The following LHFPL6 variants were observed in gnomAD, a reference collection of about 807,000 sequenced individuals.
LHFPL6 encodes the protein LHFPL tetraspan subfamily member 6 protein.
A neutral mutation model predicts 20.6 loss-of-function variants in LHFPL6; 9 were observed. The ratio of observed to expected loss-of-function variants is 0.44; its 90% confidence interval spans 0.26 to 0.76. The LOEUF is 0.76. Ranked by LOEUF, LHFPL6 falls within the 30% of genes least tolerant of loss-of-function variation. The pLI is 0.20. For synonymous variants in LHFPL6, 105 were observed against 98.7 expected, an observed-to-expected ratio of 1.06 and a Z score of -0.38; for missense variants, 218 against 253.5, an observed-to-expected ratio of 0.86 and a Z score of 0.95.
At chr13:39,577,115 T>G (rs1275461204) in intron 2 of LHFPL6, among the ~76,000 whole-genome samples, 1 of 152,064 alleles carries the variant, frequency 6.6e-6, no homozygotes, top group Non-Finnish European at 1.5e-5. Flanking sequence ...AACAAAACAG[T>G]GAAAAATGAT....
At chr13:39,568,897 T>C (rs868130318) in intron 2 of LHFPL6, among the ~76,000 whole-genome samples, 1 of 152,182 alleles carries the variant, frequency 6.6e-6, no homozygotes. Context: ...CACAGAGGGA[T>C]TTCTATTGAA....
chr13:39,578,803 A>G (rs1326676102), intron 2 of LHFPL6, among the ~76,000 whole-genome samples: 2 of 152,202 alleles, frequency 1.3e-5, no homozygotes, highest in Non-Finnish European at 2.9e-5. Flanking sequence ...CATTGCTCAT[A>G]AAGTTTCCCA....
chr13:39,422,903 A>T (rs1418420663), intron 2 of LHFPL6, among the ~76,000 whole-genome samples: 6 of 152,144 alleles, frequency 3.9e-5, no homozygotes, highest in African/African-American at 1.2e-4. Flanking sequence ...GGAAGCAAAC[A>T]CGTCCTTCTT....
intron 2 of LHFPL6, among the ~76,000 whole-genome samples, chr13:39,448,667 T>G (rs1449976040): frequency 1.3e-5 from 2 of 152,190 alleles, no homozygotes; most frequent in African/African-American, 2.4e-5. Context: ...TAACAGAACT[T>G]TTGGTTGTCC....
chr13:39,368,522 C>T (rs1171770753), intron 3 of LHFPL6, among the ~76,000 whole-genome samples: 1 of 152,168 alleles, frequency 6.6e-6, no homozygotes, highest in African/African-American at 2.4e-5. Flanking sequence ...GTGGAGGTTG[C>T]AGTGAGCCAA....
intron 3 of LHFPL6, among the ~76,000 whole-genome samples, chr13:39,366,489 C>G (rs974206474): frequency 1.3e-5 from 2 of 152,088 alleles, no homozygotes; most frequent in Admixed American, 1.3e-4. Context: ...TTGTGGTTTC[C>G]CTTAAATAAT....
At chr13:39,370,944 AT>A in intron 3 of LHFPL6, among the ~76,000 whole-genome samples, 1 of 152,268 alleles carries the variant, frequency 6.6e-6, no homozygotes, top group East Asian at 1.9e-4. Flanking sequence ...TTGCAAACAG[AT>A]TTTTCTCAAG....
At chr13:39,365,733 G>A (rs554219043) in intron 3 of LHFPL6, among the ~76,000 whole-genome samples, 9 of 152,106 alleles carry the variant, frequency 5.9e-5, no homozygotes, top group Non-Finnish European at 8.8e-5. Context: ...GTATTTGGAC[G>A]ACCAACTTCT....
chr13:39,353,784 T>G (rs1869655950), intron 3 of LHFPL6, among the ~76,000 whole-genome samples: 1 of 152,160 alleles, frequency 6.6e-6, no homozygotes. Context: ...AAACTCATAT[T>G]GATTGTCAGG....
At chr13:39,441,854 A>G in intron 2 of LHFPL6, among the ~76,000 whole-genome samples, 1 of 130,462 alleles carries the variant, frequency 7.7e-6, no homozygotes, top group African/African-American at 2.9e-5. Context: ...TTTGAGACAG[A>G]GTTTCACTCT....
chr13:39,521,063 A>G (rs1199290733), intron 2 of LHFPL6, among the ~76,000 whole-genome samples: 1 of 152,192 alleles, frequency 6.6e-6, no homozygotes, highest in African/African-American at 2.4e-5. Context: ...TAATTCTAAA[A>G]TTATGACTAC....
chr13:39,560,504 C>CTT (rs376446144), intron 2 of LHFPL6, among the ~76,000 whole-genome samples: 1,416 of 118,162 alleles, frequency 0.012, 39 homozygotes, highest in East Asian at 0.027. Flanking sequence ...TGCAAATTCT[C>CTT]TTTTTTTTTT....
At chr13:39,531,071 A>G (rs1943408518) in intron 2 of LHFPL6, among the ~76,000 whole-genome samples, 4 of 152,222 alleles carry the variant, frequency 2.6e-5, no homozygotes. Context: ...TACTTTTCAC[A>G]GAGTAATTAT....
intron 2 of LHFPL6, among the ~76,000 whole-genome samples, chr13:39,578,883 C>A (rs1372450464): frequency 6.6e-6 from 1 of 152,122 alleles, no homozygotes; most frequent in Non-Finnish European, 1.5e-5. Context: ...AGTCAACATT[C>A]AAACCAGGCC....
chr13:39,489,227 T>C (rs1868830501), intron 2 of LHFPL6, among the ~76,000 whole-genome samples: 1 of 152,212 alleles, frequency 6.6e-6, no homozygotes, highest in Non-Finnish European at 1.5e-5. Context: ...CTGACCGTAC[T>C]GGGAGGTCTA....
At chr13:39,457,277 A>G (rs1208054954) in intron 2 of LHFPL6, among the ~76,000 whole-genome samples, 1 of 152,244 alleles carries the variant, frequency 6.6e-6, no homozygotes, top group African/African-American at 2.4e-5. Context: ...TATACGAAGA[A>G]CTCTTATAAT....
intron 2 of LHFPL6, among the ~76,000 whole-genome samples, chr13:39,561,983 G>A (rs1263789953): frequency 6.6e-6 from 1 of 152,156 alleles, no homozygotes; most frequent in Non-Finnish European, 1.5e-5. Flanking sequence ...TTAGCAGGAT[G>A]AGGGCCAAAT....
In LHFPL6 at chr13:39,512,877, G is replaced by A. The variant is rs541911703; in HGVS notation, c.385+87955C>T. On this transcript the variant is annotated intron_variant, in intron 2 of 3. Coordinates refer to ENST00000379589, the MANE Select transcript of LHFPL6 (RefSeq NM_005780.3). ...TTTGTGCTAAGGCCCATTCCTGGCC[G>A]TTGGAGAGGTGAGATGGCAGGCTTG... Among the ~76,000 whole-genome samples the A allele has an allele frequency of 9.8e-5, 15 of 152,360 alleles. No individual in the cohort carries two copies. The South Asian group carries it at 2.1e-3, about 21-fold the overall frequency.
chr13:39,469,087 C>T (rs1014636), intron 2 of LHFPL6, among the ~76,000 whole-genome samples: 59,824 of 151,980 alleles, frequency 0.39, 11,872 homozygotes, highest in Middle Eastern at 0.51. Context: ...GCACCAGTCA[C>T]CAAAGCAAGA....
Sources: allele counts gnomAD v4.1 joint callset (sites outside exome capture counted in the v4.1 genomes callset), GRCh38; gene constraint gnomAD v4.1.1; transcripts MANE v1.5; gene names NCBI Gene and HGNC (gene_info 2026-07-23, HGNC 2026-07-21).